AR: variants seen among roughly 807,000 people sequenced by gnomAD.
The protein encoded by AR is androgen receptor, also known as dihydrotestosterone receptor.
Under a neutral mutation model 53.9 loss-of-function variants are expected in AR, and 8 were observed. That is an observed-to-expected ratio of 0.15 (90% confidence interval 0.09 to 0.27). AR has a LOEUF of 0.27. Ranked by LOEUF, AR falls within the 10% of genes least tolerant of loss-of-function variation. AR has a pLI of 1.00. For missense variants in AR, 639 were observed against 742.5 expected, an observed-to-expected ratio of 0.86 and a Z score of 1.62; for synonymous variants, 359 against 316.4, an observed-to-expected ratio of 1.13 and a Z score of -1.43.
At chrX:67,610,924 G>A (rs1383529801) in intron 1 of AR, among the ~76,000 whole-genome samples, 3 of 111,585 alleles carry the variant, frequency 2.7e-5, no homozygotes, top group Non-Finnish European at 5.7e-5. Flanking sequence ...CCTTAGGCAA[G>A]TTGCTTAATT....
At position 67,554,105 on chromosome X, in the gene AR, C is replaced by T. The variant is rs370124659; in HGVS notation, c.1616+7343C>T. On this transcript the variant is annotated intron_variant, in intron 1 of 7. Transcript: ENST00000374690. Reference sequence around the variant, plus strand: ...GAATAGGAGAGTGTTTTTAAATGTTCATCTCTTTAGAGAACAGCAGGAAAG... The same window carrying T: ...GAATAGGAGAGTGTTTTTAAATGTTTATCTCTTTAGAGAACAGCAGGAAAG... Among the ~76,000 whole-genome samples the T allele has an allele frequency of 3.0e-4, 34 of 112,205 alleles. No homozygotes were observed. In the East Asian group the frequency reaches 7.0e-3, roughly 23 times the overall value.
At chrX:67,674,344 T>C (rs1384717887) in intron 2 of AR, among the ~76,000 whole-genome samples, 1 of 108,738 alleles carries the variant, frequency 9.2e-6, no homozygotes, top group African/African-American at 3.4e-5. Flanking sequence ...ACTCCCTGGG[T>C]AATGTCTGTG....
At chrX:67,607,104 A>T (rs1442143621) in intron 1 of AR, among the ~76,000 whole-genome samples, 1 of 110,984 alleles carries the variant, frequency 9.0e-6, no homozygotes, top group South Asian at 3.8e-4. Flanking sequence ...AATTTGGCTC[A>T]CCACAACCTC....
intron 3 of AR, chrX:67,689,508 C>A (rs1311428820): frequency 5.8e-6 from 5 of 868,307 alleles, no homozygotes; most frequent in Admixed American, 6.9e-5. Context: ...ATAGCTTTTT[C>A]TTTCCTGCTT....
At chrX:67,575,472 T>C (rs761203194) in intron 1 of AR, among the ~76,000 whole-genome samples, 32 of 111,681 alleles carry the variant, frequency 2.9e-4, no homozygotes, top group Non-Finnish European at 5.5e-4. Context: ...TCGTATGATA[T>C]GCGGATACAC....
intron 3 of AR, among the ~76,000 whole-genome samples, chrX:67,702,958 G>C (rs2076048836): frequency 9.0e-6 from 1 of 111,232 alleles, no homozygotes; most frequent in African/African-American, 3.3e-5. Context: ...TACAACTCTG[G>C]TCCCAGCTAC....
Position 67,721,958 on chromosome X carries a change from G to A in AR, c.2444G>A (p.Ser815Asn), listed in dbSNP as rs2147536099. ...FLCMKALLLF[S>N]IIPVDGLKNQ... ...TGCATGAAAGCACTGCTACTCTTCA[G>A]CATTAGTAAGTGCCTAGAAGTGCAG... The change falls in exon 6 of 8, where the codon AGC becomes AAC. Residue 815 changes from serine (S) to asparagine (N), a missense_variant. This residue lies in a region of AR where 95 missense variants were observed against 196.4 expected (regional missense o/e 0.48). Coordinates refer to ENST00000374690, the MANE Select transcript of AR (RefSeq NM_000044.6). 1 of 1,211,187 alleles carries A rather than the reference G, an allele frequency of 8.3e-7. No individual in the cohort carries two copies. The highest frequency in any genetic ancestry group is 1.1e-6 in the Non-Finnish European group (1 of 895,258).
At chrX:67,717,364 G>A (rs2076117511) in intron 4 of AR, 114 bp from the exon 5 acceptor site, 3 of 1,023,933 alleles carry the variant, frequency 2.9e-6, no homozygotes, top group South Asian at 4.0e-5. Flanking sequence ...GATGGTCCCT[G>A]GGGATCCTTA....
chrX:67,568,455 G>C (rs763969851), intron 1 of AR, among the ~76,000 whole-genome samples: 2 of 111,486 alleles, frequency 1.8e-5, no homozygotes, highest in Non-Finnish European at 3.8e-5. Context: ...GAGGGCTTCT[G>C]CTCCCAGGTC....
chrX:67,611,725 A>G (rs1399151051), intron 1 of AR, among the ~76,000 whole-genome samples: 1 of 111,629 alleles, frequency 9.0e-6, no homozygotes, highest in Non-Finnish European at 1.9e-5. Context: ...GAGATTTCCT[A>G]GTTCAACCAC....
chrX:67,553,428 C>T (rs906380202), intron 1 of AR, among the ~76,000 whole-genome samples: 9 of 111,808 alleles, frequency 8.0e-5, no homozygotes, highest in African/African-American at 2.6e-4. Flanking sequence ...ATTCCTATGC[C>T]GGTACCACGT....
In AR at chrX:67,643,423, C is replaced by T. The variant is rs766898096; in HGVS notation, c.1768+16C>T. On this transcript the variant is annotated intron_variant, in intron 2 of 7. Coordinates refer to ENST00000374690, the MANE Select transcript of AR (RefSeq NM_000044.6). ...GCCGCTGAAGGTAAAGGGTCTTGCA[C>T]ATGCACTTCTCTTTCCCTTTCTCCT... The T allele has an allele frequency of 5.8e-6, 7 of 1,199,977 alleles. No individual in the cohort carries two copies. In the East Asian group the frequency reaches 2.1e-4, roughly 36 times the overall value.
chrX:67,603,264 A>G (rs139478468), intron 1 of AR, among the ~76,000 whole-genome samples: 6,059 of 111,529 alleles, frequency 0.054, 153 homozygotes, highest in Non-Finnish European at 0.075. Flanking sequence ...ACCTGGTACC[A>G]TAATAAGCTC....
At chrX:67,574,418 G>T (rs1921957234) in intron 1 of AR, among the ~76,000 whole-genome samples, 1 of 110,402 alleles carries the variant, frequency 9.1e-6, no homozygotes, top group African/African-American at 3.3e-5. Context: ...ATATACTCAA[G>T]TGCCCCAATG....
At chrX:67,694,804 T>G (rs2147507561) in intron 3 of AR, 1 of 1,120,044 alleles carries the variant, frequency 8.9e-7, no homozygotes, top group Non-Finnish European at 1.2e-6. Flanking sequence ...CGTCTGAGGC[T>G]TAGGAGCTTA....
rs190302057 is a variant in AR at position 67,571,417 on chromosome X, G to C, written c.1616+24655G>C. Reference sequence around the variant, plus strand: ...TTTCTGATGTCAGTCTGTGATGTCAGTTGTCCAGTGTGTATGCAGGCTGCT... The same window carrying C: ...TTTCTGATGTCAGTCTGTGATGTCACTTGTCCAGTGTGTATGCAGGCTGCT... On this transcript the variant is annotated intron_variant, in intron 1 of 7. Transcript: ENST00000374690. Among the ~76,000 whole-genome samples, 17 of 111,328 alleles carry C rather than the reference G, an allele frequency of 1.5e-4. No individual in the cohort carries two copies. In the East Asian group the frequency reaches 4.3e-3, roughly 28 times the overall value.
intron 1 of AR, among the ~76,000 whole-genome samples, chrX:67,623,826 G>T (rs757073720): frequency 1.8e-5 from 2 of 111,188 alleles, no homozygotes; most frequent in African/African-American, 6.5e-5. Flanking sequence ...ACCTTAAAAA[G>T]AATTTTCAAA....
At chrX:67,699,105 G>A (rs1321927739) in intron 3 of AR, among the ~76,000 whole-genome samples, 1 of 112,199 alleles carries the variant, frequency 8.9e-6, no homozygotes, top group Admixed American at 9.5e-5. Flanking sequence ...TTCCTTACAA[G>A]GAAGATGTAT....
chrX:67,564,639 G>A (rs1022659921), intron 1 of AR, among the ~76,000 whole-genome samples: 7 of 111,908 alleles, frequency 6.3e-5, no homozygotes, highest in African/African-American at 2.3e-4. Flanking sequence ...CCTGCTGTCT[G>A]AAATTGTAAT....
Sources: allele counts gnomAD v4.1 joint callset (sites outside exome capture counted in the v4.1 genomes callset), GRCh38; gene constraint gnomAD v4.1.1; regional missense constraint gnomAD v4.1.1; transcripts MANE v1.5; gene names NCBI Gene and HGNC (gene_info 2026-07-23, HGNC 2026-07-21).